The following EIF3H variants were observed in gnomAD, a reference collection of about 807,000 sequenced individuals.
EIF3H encodes eukaryotic translation initiation factor 3 subunit H.
In EIF3H, 26 loss-of-function variants were observed where a neutral mutation model predicts 44.2. The observed-to-expected ratio is 0.59, with a 90% CI of 0.43 to 0.82. The LOEUF is 0.82. Among genes scored for constraint, EIF3H ranks in the 40% least tolerant of loss-of-function variants. The pLI is 0.00. For missense variants in EIF3H, 359 were observed against 432.8 expected (o/e 0.83, Z 1.51); for synonymous variants, 166 against 151.9 (o/e 1.09, Z -0.68).
intron 5 of EIF3H, among the ~76,000 whole-genome samples, chr8:116,651,934 C>T (rs1258940666): frequency 6.6e-6 from 1 of 152,080 alleles, no homozygotes; most frequent in Non-Finnish European, 1.5e-5. Context: ...TTAGCAAGAT[C>T]ATTACAATTT....
chr8:116,698,283 T>C (rs1814304757), intron 2 of EIF3H, among the ~76,000 whole-genome samples: 1 of 152,074 alleles, frequency 6.6e-6, no homozygotes, highest in South Asian at 2.1e-4. Flanking sequence ...CACATTTCAT[T>C]CAAAAGGGGC....
At chr8:116,721,547 T>C (rs534323889) in intron 2 of EIF3H, among the ~76,000 whole-genome samples, 1 of 152,266 alleles carries the variant, frequency 6.6e-6, no homozygotes, top group Non-Finnish European at 1.5e-5. Context: ...CACCAACAGC[T>C]TGCACCATGC....
At chr8:116,726,987 A>G (rs1048388442) in intron 1 of EIF3H, among the ~76,000 whole-genome samples, 1 of 152,262 alleles carries the variant, frequency 6.6e-6, no homozygotes, top group African/African-American at 2.4e-5. Context: ...CATGGCCTGA[A>G]GACCCAAAAG....
At position 116,653,592 on chromosome 8, in the gene EIF3H, A is replaced by C. The variant is rs991893100; in HGVS notation, c.707+2264T>G. On this transcript the variant is annotated intron_variant, in intron 5 of 7. Coordinates refer to ENST00000521861, the MANE Select transcript of EIF3H (RefSeq NM_003756.3). The stretch of plus-strand genomic sequence containing the variant: ...TAAACAGATGTGAACCAGGACATGA[A>C]GTGTTAAGTCTGCTCTGGCTACAGT... Among the ~76,000 whole-genome samples the C allele has an allele frequency of 3.3e-5, 5 of 152,300 alleles. No homozygotes were observed. The South Asian group carries it at 1.0e-3, about 32-fold the overall frequency.
intron 2 of EIF3H, among the ~76,000 whole-genome samples, chr8:116,671,933 A>G (rs2130818755): frequency 6.6e-6 from 1 of 152,382 alleles, no homozygotes; most frequent in African/African-American, 2.4e-5. Context: ...TGGCTCTGCC[A>G]TTACAAATAA....
chr8:116,663,457 CT>C (rs1422349001), intron 2 of EIF3H, among the ~76,000 whole-genome samples: 1 of 152,094 alleles, frequency 6.6e-6, no homozygotes, highest in East Asian at 1.9e-4. Flanking sequence ...CTAAATATTC[CT>C]GGAGAAATTT....
chr8:116,645,319 C>T (rs975903024), intron 7 of EIF3H, among the ~76,000 whole-genome samples: 4 of 152,210 alleles, frequency 2.6e-5, no homozygotes, highest in Admixed American at 2.0e-4. Context: ...AAAAACTACT[C>T]CTCAAAAGCT....
chr8:116,708,301 T>C (rs1814506895), intron 2 of EIF3H, among the ~76,000 whole-genome samples: 1 of 151,612 alleles, frequency 6.6e-6, no homozygotes, highest in African/African-American at 2.4e-5. Flanking sequence ...GTCACCTCAT[T>C]ATTATTATTA....
chr8:116,762,525 A>C (rs923804551), intron 1 of EIF3H, among the ~76,000 whole-genome samples: 3 of 152,220 alleles, frequency 2.0e-5, no homozygotes, highest in Non-Finnish European at 4.4e-5. Flanking sequence ...AAAAGTGCCC[A>C]CTGCCAAGCT....
chr8:116,706,406 C>T (rs1438342768), intron 2 of EIF3H, among the ~76,000 whole-genome samples: 1 of 152,198 alleles, frequency 6.6e-6, no homozygotes, highest in Admixed American at 6.5e-5. Flanking sequence ...TCTTATCTTT[C>T]AAGTGTCAGC....
chr8:116,656,088 C>T (rs1813484190), intron 4 of EIF3H, 83 bp from the exon 5 acceptor site: 3 of 1,277,712 alleles, frequency 2.3e-6, no homozygotes, highest in African/African-American at 1.5e-5. Flanking sequence ...TACCTAATTA[C>T]AGGCCCTATC....
intron 5 of EIF3H, among the ~76,000 whole-genome samples, chr8:116,653,348 A>AACACACACACAAACACAC (rs1554597153): frequency 4.2e-5 from 6 of 144,576 alleles, no homozygotes; most frequent in African/African-American, 1.6e-4. Flanking sequence ...AACAATCAGA[A>AACACACACACAAACACAC]ACACACACAC....
intron 2 of EIF3H, among the ~76,000 whole-genome samples, chr8:116,670,380 G>T (rs1345145686): frequency 6.6e-6 from 1 of 152,158 alleles, no homozygotes; most frequent in Non-Finnish European, 1.5e-5. Context: ...GATCACCAAA[G>T]ATACACTATC....
chr8:116,655,710 G>A, intron 5 of EIF3H, 146 bp downstream of exon 5: 1 of 813,482 alleles, frequency 1.2e-6, no homozygotes, highest in South Asian at 1.6e-5. Context: ...AACAGGGCCA[G>A]ACTATTACTC....
chr8:116,644,892 T>C lies in EIF3H; in HGVS notation c.*114A>G. The C allele has an allele frequency of 1.3e-6, 1 of 782,688 alleles. No individual in the cohort carries two copies. 48.5% of individuals were successfully genotyped at this position (782,688 alleles called of 1,614,324 possible). ...ACACTGTTATAGCCAAAATCGGCAA[T>C]GACACTAAAGAAATCCTCTGTGCTT... On this transcript the variant is annotated 3_prime_UTR_variant, in exon 8 of 8. Transcript: ENST00000521861.
chr8:116,751,040 G>A (rs985131436), intron 1 of EIF3H, among the ~76,000 whole-genome samples: 3 of 151,336 alleles, frequency 2.0e-5, no homozygotes, highest in South Asian at 2.1e-4. Flanking sequence ...GTGAAACCCC[G>A]TCTCTACTAA....
chr8:116,678,901 CG>C (rs1813906540), intron 2 of EIF3H, among the ~76,000 whole-genome samples: 1 of 120,870 alleles, frequency 8.3e-6, no homozygotes, highest in Non-Finnish European at 1.9e-5. Context: ...CCGCCCCGTC[CG>C]GGAGGTGAGG....
At chr8:116,689,164 A>G (rs1412288676) in intron 2 of EIF3H, 2 of 429,940 alleles carry the variant, frequency 4.7e-6, no homozygotes, top group Non-Finnish European at 9.4e-6. Context: ...TTTTAGTGAA[A>G]TAAGTCAGAG....
At chr8:116,695,064 ATTCT>A in intron 2 of EIF3H, among the ~76,000 whole-genome samples, 1 of 149,638 alleles carries the variant, frequency 6.7e-6, no homozygotes, top group East Asian at 2.0e-4. Context: ...AAACTTCCTA[ATTCT>A]TTTTTTTTTT....
Sources: allele counts gnomAD v4.1 joint callset (sites outside exome capture counted in the v4.1 genomes callset), GRCh38; gene constraint gnomAD v4.1.1; transcripts MANE v1.5; gene names NCBI Gene and HGNC (gene_info 2026-07-23, HGNC 2026-07-21).